FAM184A: variants seen among roughly 807,000 people sequenced by gnomAD.
FAM184A encodes the protein family with sequence similarity 184 member A.
A neutral mutation model predicts 143.8 loss-of-function variants in FAM184A; 99 were observed. The observed-to-expected ratio is 0.69, with a 90% CI of 0.58 to 0.81. The LOEUF (loss-of-function observed/expected upper bound fraction) is 0.81, where lower values mean the gene tolerates loss of function less well. Ranked by LOEUF, FAM184A falls within the 40% of genes least tolerant of loss-of-function variation. The pLI is 0.00. For missense variants in FAM184A, 1,217 were observed against 1,310.5 expected (o/e 0.93, Z 1.10); for synonymous variants, 427 against 446.4 (o/e 0.96, Z 0.55).
At chr6:119,113,361 G>A (rs951127737) in intron 1 of FAM184A, among the ~76,000 whole-genome samples, 11 of 152,074 alleles carry the variant, frequency 7.2e-5, no homozygotes, top group Non-Finnish European at 2.9e-5. Context: ...CCTGAGTTAC[G>A]GGTTGTCATG....
chr6:119,145,216 G>A (rs1485922509), intron 1 of FAM184A, among the ~76,000 whole-genome samples: 1 of 152,194 alleles, frequency 6.6e-6, no homozygotes, highest in Non-Finnish European at 1.5e-5. Flanking sequence ...GTGGAGGGTT[G>A]GGTGGAGTGG....
Position 119,002,926 on chromosome 6 carries a change from C to T in FAM184A, c.2061G>A (p.Gln687=). ...GGTTTAAGAGATCTTCTACTTTCTT[C>T]TGCCATGAATCTCTTGCTGCATTTT... is the stretch of plus-strand genomic sequence containing the variant. ...REKNAARDSW[Q]KKVEDLLNQI... Residue 687 remains glutamine, a synonymous_variant, in exon 9 of 18, where the codon CAG becomes CAA. Coordinates refer to ENST00000338891, the MANE Select transcript of FAM184A (RefSeq NM_024581.6). 1 of 1,611,744 alleles carries T rather than the reference C, an allele frequency of 6.2e-7. No homozygotes were observed. The highest frequency in any genetic ancestry group is 8.5e-7 in the Non-Finnish European group (1 of 1,179,348).
At chr6:119,036,638 TG>T (rs1786125906) in intron 1 of FAM184A, among the ~76,000 whole-genome samples, 1 of 152,168 alleles carries the variant, frequency 6.6e-6, no homozygotes, top group Non-Finnish European at 1.5e-5. Context: ...CAATGGGATC[TG>T]TGCTACCATA....
chr6:119,053,623 A>G (rs577535755), intron 1 of FAM184A, among the ~76,000 whole-genome samples: 20 of 152,208 alleles, frequency 1.3e-4, no homozygotes, highest in Non-Finnish European at 2.4e-4. Flanking sequence ...AGGATGTAGT[A>G]TAAGAATCAC....
intron 1 of FAM184A, among the ~76,000 whole-genome samples, chr6:119,033,157 G>A (rs183883780): frequency 1.3e-5 from 2 of 152,200 alleles, no homozygotes; most frequent in African/African-American, 4.8e-5. Context: ...CTATAAAATG[G>A]GTCACTGTTT....
chr6:119,019,349 G>A (rs962716993), intron 4 of FAM184A, among the ~76,000 whole-genome samples: 1 of 152,226 alleles, frequency 6.6e-6, no homozygotes, highest in African/African-American at 2.4e-5. Flanking sequence ...AGCAAATTCT[G>A]TGGACTGATG....
At chr6:119,047,290 A>G (rs1786575771) in intron 1 of FAM184A, among the ~76,000 whole-genome samples, 1 of 152,222 alleles carries the variant, frequency 6.6e-6, no homozygotes, top group Non-Finnish European at 1.5e-5. Context: ...GGGAATGTAA[A>G]TGAGTACAAT....
chr6:119,004,753 G>C (rs1762200), intron 7 of FAM184A, among the ~76,000 whole-genome samples: 87,644 of 151,956 alleles, frequency 0.58, 25,627 homozygotes, highest in East Asian at 0.76. Flanking sequence ...AGAAAATGAA[G>C]AATTGATAGA....
chr6:118,983,272 A>G (rs1784072249), intron 9 of FAM184A, among the ~76,000 whole-genome samples: 1 of 152,198 alleles, frequency 6.6e-6, no homozygotes. Flanking sequence ...TTAAAAGACA[A>G]TGAGCAAAGT....
intron 1 of FAM184A, among the ~76,000 whole-genome samples, chr6:119,064,789 T>A (rs927286674): frequency 6.6e-6 from 1 of 152,216 alleles, no homozygotes; most frequent in African/African-American, 2.4e-5. Flanking sequence ...GATGCTTTCC[T>A]CTGTCTCTGG....
At chr6:119,105,352 T>A (rs1431059453) in intron 1 of FAM184A, among the ~76,000 whole-genome samples, 1 of 152,088 alleles carries the variant, frequency 6.6e-6, no homozygotes, top group Non-Finnish European at 1.5e-5. Context: ...GGGGTGGATT[T>A]CCCCTCTGCT....
Position 119,078,320 on chromosome 6 carries a change from G to A in FAM184A, c.-21C>T. On this transcript the variant is annotated 5_prime_UTR_variant, in exon 1 of 18. Transcript: ENST00000338891. The surrounding 1 kb of genome is among the most constrained non-coding windows in gnomAD (Gnocchi z 5.5). Reference sequence around the variant, plus strand: ...GCCATCTTCCCAACAGACCCCAGCCGGGGCACCTGTCCCCGCGGGTGGAGG... The same window carrying A: ...GCCATCTTCCCAACAGACCCCAGCCAGGGCACCTGTCCCCGCGGGTGGAGG... 1 of 1,427,476 alleles carries A rather than the reference G, an allele frequency of 7.0e-7. No homozygotes were observed. Among genetic ancestry groups the A allele is most frequent in the Non-Finnish European group, 9.1e-7 (1 of 1,094,848 alleles). 88.4% of individuals were successfully genotyped at this position (1,427,476 alleles called of 1,614,324 possible).
In FAM184A at chr6:118,966,738, A is replaced by AT. The variant is rs140460111; in HGVS notation, c.3033+96dup. The AT allele has an allele frequency of 3.1e-3, 1,681 of 538,116 alleles. 3 individuals carry two copies. Among genetic ancestry groups the AT allele is most frequent in the Non-Finnish European group, 4.8e-3 (1,468 of 303,956 alleles). The allele number at this position is 538,116 out of a possible 1,614,324, so 33.3% of individuals were successfully genotyped here. A position where few individuals can be genotyped will look rare whatever the true frequency, so the allele number is the denominator to read the frequency against. ...ACAATGCACATGTTCTGTGTTTTCTATTTTCACTTAGCATTACTTAAAAAG... is the reference window on the plus strand; with the variant it reads ...ACAATGCACATGTTCTGTGTTTTCTATTTTTCACTTAGCATTACTTAAAAAG... On this transcript the variant is annotated intron_variant, in intron 15 of 17. Coordinates refer to ENST00000338891, the MANE Select transcript of FAM184A (RefSeq NM_024581.6).
At chr6:118,962,808 C>T (rs1379534956) in intron 16 of FAM184A, 1 of 151,980 alleles carries the variant, frequency 6.6e-6, no homozygotes, top group Non-Finnish European at 1.5e-5. Flanking sequence ...AATCAATGAT[C>T]ATCATCTTGC....
chr6:119,059,826 T>C (rs1787155119), intron 1 of FAM184A, among the ~76,000 whole-genome samples: 3 of 152,350 alleles, frequency 2.0e-5, no homozygotes, highest in Admixed American at 2.0e-4. Flanking sequence ...ATGGCTATAT[T>C]GAGTTTTATA....
chr6:119,005,431 G>A (rs1012286377), intron 7 of FAM184A: 5 of 152,140 alleles, frequency 3.3e-5, no homozygotes, highest in Admixed American at 6.5e-5. Context: ...AAGTGTCCTT[G>A]TTTATATGCT....
intron 1 of FAM184A, among the ~76,000 whole-genome samples, chr6:119,035,991 T>A (rs996658263): frequency 9.2e-5 from 14 of 152,208 alleles, no homozygotes; most frequent in Admixed American, 8.5e-4. Context: ...TCAGAATACA[T>A]CTTTTCAAAT....
At chr6:119,071,914 G>C (rs1025750725) in intron 1 of FAM184A, among the ~76,000 whole-genome samples, 1 of 130,318 alleles carries the variant, frequency 7.7e-6, no homozygotes, top group African/African-American at 2.9e-5. Flanking sequence ...CACTCAGGCT[G>C]GAGTGCAGTG....
chr6:119,041,613 CT>C, intron 1 of FAM184A, among the ~76,000 whole-genome samples: 1 of 152,142 alleles, frequency 6.6e-6, no homozygotes, highest in South Asian at 2.1e-4. Flanking sequence ...CAGCTGCACT[CT>C]TCTGGTCCGT....
Sources: allele counts gnomAD v4.1 joint callset (sites outside exome capture counted in the v4.1 genomes callset), GRCh38; gene constraint gnomAD v4.1.1; non-coding constraint Gnocchi (gnomAD v3.1); transcripts MANE v1.5; gene names NCBI Gene and HGNC (gene_info 2026-07-23, HGNC 2026-07-21).